The following RELN variants were observed in gnomAD, a reference collection of about 807,000 sequenced individuals.
RELN encodes the protein reelin.
In RELN, 108 loss-of-function variants were observed where a neutral mutation model predicts 427.6. The ratio of observed to expected loss-of-function variants is 0.25; its 90% CI spans 0.22 to 0.30. RELN has a LOEUF of 0.30. Among genes scored for constraint, RELN ranks in the 10% least tolerant of loss-of-function variants. The probability of loss-of-function intolerance (pLI) is 1.00; values close to 1 mark genes in which losing one functional copy is unlikely to be tolerated. For synonymous variants in RELN, 1,524 were observed against 1,513.4 expected (o/e 1.01, Z -0.16); for missense variants, 3,715 against 4,302.8 (o/e 0.86, Z 3.82).
intron 36 of RELN, among the ~76,000 whole-genome samples, chr7:103,560,830 A>C (rs947621388): frequency 6.6e-6 from 1 of 152,184 alleles, no homozygotes; most frequent in African/African-American, 2.4e-5. Context: ...CTATAATTGA[A>C]AAAGTTCCAG....
intron 19 of RELN, among the ~76,000 whole-genome samples, chr7:103,635,009 C>A (rs1180762729): frequency 1.3e-5 from 2 of 151,972 alleles, no homozygotes; most frequent in South Asian, 2.1e-4. Context: ...CAGGTGCGCA[C>A]CACCACACCC....
At chr7:103,954,801 C>G (rs1796401466) in intron 1 of RELN, among the ~76,000 whole-genome samples, 1 of 152,108 alleles carries the variant, frequency 6.6e-6, no homozygotes, top group Admixed American at 6.5e-5. Context: ...AGTTATTAAT[C>G]TAGATACAGA....
intron 27 of RELN, among the ~76,000 whole-genome samples, chr7:103,590,178 TAAG>T (rs1215820524): frequency 6.6e-6 from 1 of 152,096 alleles, no homozygotes; most frequent in East Asian, 1.9e-4. Flanking sequence ...GAGGAAACCA[TAAG>T]ATGGAGAAGC....
intron 2 of RELN, among the ~76,000 whole-genome samples, chr7:103,885,193 GC>G (rs1418855678): frequency 6.6e-6 from 1 of 152,014 alleles, no homozygotes; most frequent in African/African-American, 2.4e-5. Context: ...CAAAAAGTTA[GC>G]CAGGCATGGT....
At chr7:103,779,297 G>C (rs531508081) in intron 3 of RELN, among the ~76,000 whole-genome samples, 1 of 152,146 alleles carries the variant, frequency 6.6e-6, no homozygotes, top group African/African-American at 2.4e-5. Context: ...ATTAAAAGCT[G>C]GCTTGAGAAG....
chr7:103,839,322 T>TTTTTTA, intron 2 of RELN, among the ~76,000 whole-genome samples: 1 of 150,190 alleles, frequency 6.7e-6, no homozygotes, highest in African/African-American at 2.5e-5. Flanking sequence ...TTTTTTTTTT[T>TTTTTTA]AACATAGAAC....
chr7:103,773,138 T>TTCTC lies in RELN; in HGVS notation c.544+3418_544+3419insGAGA, dbSNP rs1277065064. Among the ~76,000 whole-genome samples the TTCTC allele has an allele frequency of 1.2e-4, 12 of 98,940 alleles. 1 individual carries two copies. The highest frequency in any genetic ancestry group is 7.7e-4 in the Admixed American group (7 of 9,074). 64.9% of individuals were successfully genotyped at this position (98,940 alleles called of 152,430 possible). A position where few individuals can be genotyped will look rare whatever the true frequency, so the allele number is the denominator to read the frequency against. Reference sequence around the variant, plus strand: ...TTTCTTTCTTTCTTTCTTTCTTTCTTTCTTTCTTTCTTTCTTTCTTTCTTT... The same window carrying TTCTC: ...TTTCTTTCTTTCTTTCTTTCTTTCTTTCTCTCTTTCTTTCTTTCTTTCTTTCTTT... On this transcript the variant is annotated intron_variant, in intron 4 of 64. Transcript: ENST00000428762.
intron 41 of RELN, among the ~76,000 whole-genome samples, chr7:103,548,227 G>T (rs1469367656): frequency 6.6e-6 from 1 of 152,104 alleles, no homozygotes; most frequent in Non-Finnish European, 1.5e-5. Flanking sequence ...ATATGTAGAA[G>T]GAACAAAATT....
At chr7:103,907,781 A>T (rs57586313) in intron 2 of RELN, among the ~76,000 whole-genome samples, 10,770 of 97,898 alleles carry the variant, frequency 0.11, 729 homozygotes, top group East Asian at 0.33. Context: ...TTTCTTTTTT[A>T]AAAAAAAACT....
chr7:103,542,963 A>G (rs907979084), intron 42 of RELN, 85 bp from the exon 43 acceptor site: 32 of 1,359,544 alleles, frequency 2.4e-5, no homozygotes, highest in Non-Finnish European at 3.0e-5. Context: ...TGGTAAATGC[A>G]TTATGTAGTT....
intron 12 of RELN, among the ~76,000 whole-genome samples, chr7:103,659,334 A>C (rs1181437309): frequency 6.6e-6 from 1 of 152,102 alleles, no homozygotes; most frequent in Non-Finnish European, 1.5e-5. Context: ...AACTAACAGG[A>C]ATTTTCTGAT....
intron 1 of RELN, among the ~76,000 whole-genome samples, chr7:103,943,116 C>A (rs1796149398): frequency 6.6e-6 from 1 of 152,066 alleles, no homozygotes; most frequent in Non-Finnish European, 1.5e-5. Flanking sequence ...AAATTGAATA[C>A]AATAAATAAT....
In RELN at chr7:103,745,325, A is replaced by C. The variant is rs181550372; in HGVS notation, c.656+4101T>G. The stretch of plus-strand genomic sequence containing the variant: ...GCCAATATCATACTGAATGGGCAAA[A>C]ACTGGAAGCATTCTCTTTGAAAACG... On this transcript the variant is annotated intron_variant, in intron 6 of 64. Coordinates refer to ENST00000428762, the MANE Select transcript of RELN (RefSeq NM_005045.4). 9.6e-3 allele frequency among the ~76,000 whole-genome samples: 1,463 copies of C among 152,188 alleles called. 15 individuals carry two copies. Among genetic ancestry groups the C allele is most frequent in the Non-Finnish European group, 0.013 (908 of 68,024 alleles).
At chr7:103,741,155 TGGG>T (rs1296928974) in intron 6 of RELN, among the ~76,000 whole-genome samples, 1 of 152,200 alleles carries the variant, frequency 6.6e-6, no homozygotes, top group East Asian at 1.9e-4. Flanking sequence ...ATAGAAGCTT[TGGG>T]AGAGTTAAAA....
At chr7:103,662,958 G>A (rs922996624) in intron 11 of RELN, among the ~76,000 whole-genome samples, 9 of 152,108 alleles carry the variant, frequency 5.9e-5, no homozygotes, top group Admixed American at 2.0e-4. Flanking sequence ...ACAATCTCTC[G>A]CCTTGTACCA....
intron 1 of RELN, among the ~76,000 whole-genome samples, chr7:103,925,678 C>T (rs559904988): frequency 1.3e-5 from 2 of 152,240 alleles, no homozygotes; most frequent in South Asian, 4.1e-4. Flanking sequence ...CTCAACATAT[C>T]TTTGTAAAAT....
At chr7:103,972,894 ATGTGTGTGTG>A (rs34930399) in intron 1 of RELN, among the ~76,000 whole-genome samples, 1 of 149,166 alleles carries the variant, frequency 6.7e-6, no homozygotes, top group African/African-American at 2.5e-5. Flanking sequence ...GCATATGATT[ATGTGTGTGTG>A]TGTGTGTGTG....
intron 1 of RELN, among the ~76,000 whole-genome samples, chr7:103,926,971 A>T (rs946184354): frequency 6.6e-5 from 10 of 152,158 alleles, no homozygotes; most frequent in African/African-American, 2.2e-4. Context: ...GTTTTTCTAC[A>T]GTATTCTCTT....
chr7:103,919,318 G>T (rs1271155835), intron 1 of RELN, among the ~76,000 whole-genome samples: 4 of 151,814 alleles, frequency 2.6e-5, no homozygotes, highest in African/African-American at 9.7e-5. Context: ...ATTTCAGAAT[G>T]TCTGCAGCCC....
Sources: gnomAD v4.1 joint callset for allele counts (sites outside exome capture counted in the v4.1 genomes callset) on GRCh38, gnomAD v4.1.1 for gene constraint, MANE v1.5 for transcripts, NCBI Gene and HGNC (gene_info 2026-07-23, HGNC 2026-07-21) for gene names.